Variants in PUDP observed in about 807,000 individuals in gnomAD.
The protein encoded by PUDP is pseudouridine-5'-phosphatase.
In PUDP, 8 loss-of-function variants were observed where a neutral mutation model predicts 9.4. The observed-to-expected ratio is 0.85, with a 90% CI of 0.50 to 1.53. PUDP has a LOEUF of 1.53. Ranked by LOEUF, PUDP falls within the 40% of genes most tolerant of loss-of-function variation. The pLI, the probability that PUDP is intolerant of heterozygous loss-of-function variation, is 0.00. For synonymous variants in PUDP, 99 were observed against 80.7 expected, an observed-to-expected ratio of 1.23 and a Z score of -1.22; for missense variants, 188 against 189.7, an observed-to-expected ratio of 0.99 and a Z score of 0.05.
chrX:6,747,957 G>A (rs186541192), intron 3 of PUDP, among the ~76,000 whole-genome samples: 8 of 112,065 alleles, frequency 7.1e-5, no homozygotes, highest in African/African-American at 2.3e-4. Context: ...GTTACTACAT[G>A]TCCTTCAGTT....
At chrX:6,838,260 T>A (rs2146716258) in intron 3 of PUDP, among the ~76,000 whole-genome samples, 1 of 112,907 alleles carries the variant, frequency 8.9e-6, no homozygotes. Flanking sequence ...TAGAATATGA[T>A]TTTAAAATCT....
At chrX:6,931,788 A>C (rs1009800070) in intron 3 of PUDP, among the ~76,000 whole-genome samples, 2 of 111,353 alleles carry the variant, frequency 1.8e-5, no homozygotes, top group Admixed American at 1.9e-4. Flanking sequence ...TCCCAAGATA[A>C]AAAAGATCAG....
intron 3 of PUDP, among the ~76,000 whole-genome samples, chrX:6,903,187 C>A (rs1345629731): frequency 8.9e-6 from 1 of 112,313 alleles, no homozygotes; most frequent in Non-Finnish European, 1.9e-5. Flanking sequence ...CTTCTTACAG[C>A]TAAATAATCC....
At chrX:6,924,629 T>C (rs1429526831) in intron 3 of PUDP, among the ~76,000 whole-genome samples, 2 of 112,261 alleles carry the variant, frequency 1.8e-5, no homozygotes, top group East Asian at 5.6e-4. Context: ...ACACCACATG[T>C]TGAGTGGCTG....
chrX:6,762,153 C>CT (rs1925235173), intron 3 of PUDP, among the ~76,000 whole-genome samples: 1 of 112,188 alleles, frequency 8.9e-6, no homozygotes, highest in African/African-American at 3.2e-5. Flanking sequence ...GATCATACCA[C>CT]TGCACTCCAG....
chrX:7,047,550 C>A (rs4830570), downstream of PUDP, among the ~76,000 whole-genome samples: 1 of 111,181 alleles, frequency 9.0e-6, no homozygotes, highest in Admixed American at 9.5e-5. Context: ...TACTCCTCAG[C>A]CAACAAATAT....
chrX:7,129,372 A>G (rs753937890), intron 1 of PUDP, among the ~76,000 whole-genome samples: 1 of 112,016 alleles, frequency 8.9e-6, no homozygotes, highest in Non-Finnish European at 1.9e-5. Context: ...ATTCAAGGAC[A>G]TAAAAATTAC....
intron 3 of PUDP, among the ~76,000 whole-genome samples, chrX:6,748,630 C>A (rs1015704223): frequency 4.5e-5 from 5 of 111,575 alleles, no homozygotes; most frequent in African/African-American, 1.6e-4. Context: ...AAATAACGAA[C>A]ACCACTTTTT....
intron 3 of PUDP, among the ~76,000 whole-genome samples, chrX:6,869,601 T>C (rs1360585141): frequency 9.0e-6 from 1 of 111,408 alleles, no homozygotes; most frequent in Non-Finnish European, 1.9e-5. Flanking sequence ...TCCTTTGGCC[T>C]TTTACAATCC....
At chrX:6,776,885 T>C (rs908360196) in intron 3 of PUDP, among the ~76,000 whole-genome samples, 1 of 112,526 alleles carries the variant, frequency 8.9e-6, no homozygotes, top group Admixed American at 9.5e-5. Context: ...TGAATACTCT[T>C]GACAATAAAT....
intron 3 of PUDP, among the ~76,000 whole-genome samples, chrX:6,880,440 G>A (rs771962728): frequency 7.0e-4 from 78 of 111,957 alleles, no homozygotes; most frequent in African/African-American, 2.4e-3. Flanking sequence ...TCCTATCATT[G>A]AAAATATTAT....
intron 3 of PUDP, among the ~76,000 whole-genome samples, chrX:6,819,740 C>T (rs150579369): frequency 0.02 from 2,231 of 111,689 alleles, 55 homozygotes; most frequent in African/African-American, 0.069. Context: ...TTTCCTTTTG[C>T]CACTGATATT....
intron 3 of PUDP, among the ~76,000 whole-genome samples, chrX:6,925,125 G>A (rs1242875439): frequency 3.6e-5 from 4 of 112,322 alleles, no homozygotes; most frequent in African/African-American, 1.3e-4. Context: ...GAACAGCCAG[G>A]CCAACATAGC....
intron 3 of PUDP, among the ~76,000 whole-genome samples, chrX:6,959,381 T>A (rs1928674814): frequency 8.9e-6 from 1 of 112,008 alleles, no homozygotes; most frequent in Admixed American, 9.4e-5. Context: ...GTGCCCCAGC[T>A]GTGGCTCAAG....
At chrX:6,992,938 C>T (rs1384120899) in intron 1 of PUDP, among the ~76,000 whole-genome samples, 1 of 111,657 alleles carries the variant, frequency 9.0e-6, no homozygotes, top group Non-Finnish European at 1.9e-5. Context: ...CATCTTTCTC[C>T]CATGCTGAAT....
chrX:6,766,606 T>G (rs1333813420), intron 3 of PUDP, among the ~76,000 whole-genome samples: 1 of 111,705 alleles, frequency 9.0e-6, no homozygotes, highest in Admixed American at 9.5e-5. Context: ...ACTATAGATA[T>G]CCAAAATAGG....
chrX:6,802,257 T>C, intron 3 of PUDP, among the ~76,000 whole-genome samples: 2 of 111,323 alleles, frequency 1.8e-5, no homozygotes, highest in Middle Eastern at 4.6e-3. Flanking sequence ...GATGGGTGAA[T>C]AGACACACAC....
chrX:6,762,831 T>C (rs1486145496), intron 3 of PUDP, among the ~76,000 whole-genome samples: 2 of 112,271 alleles, frequency 1.8e-5, no homozygotes, highest in African/African-American at 6.5e-5. Flanking sequence ...ATTTTAATGC[T>C]TTTGGCTATT....
At chrX:6,973,495 A>C (rs1429774198) in intron 3 of PUDP, among the ~76,000 whole-genome samples, 1 of 112,116 alleles carries the variant, frequency 8.9e-6, no homozygotes, top group Non-Finnish European at 1.9e-5. Context: ...CAGGTTGTTT[A>C]GTTTCCATGT....
Sources: allele counts gnomAD v4.1 joint callset (sites outside exome capture counted in the v4.1 genomes callset), GRCh38; gene constraint gnomAD v4.1.1; transcripts MANE v1.5; gene names NCBI Gene and HGNC (gene_info 2026-07-23, HGNC 2026-07-21).